The following GHR variants were observed in gnomAD, a reference collection of about 807,000 sequenced individuals.
GHR encodes GH receptor.
In GHR, 35 loss-of-function variants were observed where a neutral mutation model predicts 67.1. The observed-to-expected ratio is 0.52, with a 90% CI of 0.40 to 0.69. The LOEUF is 0.69. GHR is among the 30% of genes least tolerant of loss of function. The pLI is 0.00. For synonymous variants in GHR, 272 were observed against 269.1 expected, an observed-to-expected ratio of 1.01 and a Z score of -0.10; for missense variants, 792 against 764.6, an observed-to-expected ratio of 1.04 and a Z score of -0.42.
At chr5:42,666,333 A>G (rs1217543985) in intron 3 of GHR, among the ~76,000 whole-genome samples, 2 of 152,120 alleles carry the variant, frequency 1.3e-5, no homozygotes, top group African/African-American at 4.8e-5. Context: ...TCATTTTGAC[A>G]TGTAGTGAAG....
chr5:42,676,546 G>A (rs1373744460), intron 3 of GHR, among the ~76,000 whole-genome samples: 1 of 151,980 alleles, frequency 6.6e-6, no homozygotes, highest in Non-Finnish European at 1.5e-5. Context: ...TTTTTGGAAT[G>A]GAGTGTTTGC....
chr5:42,520,010 C>A (rs1747407266), intron 1 of GHR, among the ~76,000 whole-genome samples: 1 of 152,150 alleles, frequency 6.6e-6, no homozygotes, highest in Non-Finnish European at 1.5e-5. Context: ...GTGAATATTT[C>A]TTTGCTTTGA....
At chr5:42,443,413 C>A (rs890216274) in intron 1 of GHR, among the ~76,000 whole-genome samples, 3 of 152,058 alleles carry the variant, frequency 2.0e-5, no homozygotes, top group African/African-American at 7.2e-5. Context: ...GGCTTATAGG[C>A]ATAACTATTG....
intron 1 of GHR, chr5:42,465,779 A>C: frequency 1.2e-6 from 1 of 831,432 alleles, no homozygotes; most frequent in Non-Finnish European, 2.1e-6. Flanking sequence ...TCCTTGGCCC[A>C]TTTCACGTCC....
chr5:42,711,096 A>T, intron 6 of GHR, 111 bp from the exon 7 acceptor site: 1 of 808,930 alleles, frequency 1.2e-6, no homozygotes, highest in Non-Finnish European at 2.2e-6. Context: ...TTAAAATATT[A>T]CCTACTTTAT....
intron 3 of GHR, among the ~76,000 whole-genome samples, chr5:42,655,479 C>G (rs1755209594): frequency 6.6e-6 from 1 of 152,110 alleles, no homozygotes; most frequent in African/African-American, 2.4e-5. Flanking sequence ...GTGACATTGG[C>G]AGACTCTAAG....
In GHR at chr5:42,555,847, G is replaced by A. The variant is rs561386649; in HGVS notation, c.-11-10017G>A. ...TGGTAACGTCGGGACATGAATAGCC[G>A]TCAATGAAAGGCAGCTATTATTACA... On this transcript the variant is annotated intron_variant, in intron 1 of 9. Coordinates refer to ENST00000230882, the MANE Select transcript of GHR (RefSeq NM_000163.5). Among the ~76,000 whole-genome samples, 9 of 152,228 alleles carry A rather than the reference G, an allele frequency of 5.9e-5. No homozygotes were observed. In the South Asian group the frequency reaches 1.2e-3, roughly 21 times the overall value.
chr5:42,642,108 G>A (rs112664803), intron 3 of GHR, among the ~76,000 whole-genome samples: 2,171 of 152,264 alleles, frequency 0.014, 50 homozygotes, highest in African/African-American at 0.049. Context: ...TCAGGCCGAT[G>A]ATGGAAAGAT....
At chr5:42,676,199 C>T (rs992781655) in intron 3 of GHR, among the ~76,000 whole-genome samples, 23 of 152,170 alleles carry the variant, frequency 1.5e-4, no homozygotes, top group African/African-American at 4.6e-4. Context: ...GCAGGAGAAT[C>T]GCTTGAACCT....
At chr5:42,701,955 A>G (rs1312185043) in intron 6 of GHR, among the ~76,000 whole-genome samples, 4 of 152,070 alleles carry the variant, frequency 2.6e-5, no homozygotes, top group African/African-American at 9.7e-5. Context: ...ATTTTTTTGT[A>G]TATTTATTGT....
chr5:42,559,831 G>T (rs186902951), intron 1 of GHR, among the ~76,000 whole-genome samples: 1 of 152,186 alleles, frequency 6.6e-6, no homozygotes, highest in East Asian at 1.9e-4. Flanking sequence ...ATAAAAAGTT[G>T]GTAACAACAT....
intron 1 of GHR, among the ~76,000 whole-genome samples, chr5:42,452,411 T>C (rs555056334): frequency 1.3e-5 from 2 of 152,310 alleles, no homozygotes; most frequent in South Asian, 4.1e-4. Context: ...TTCCAGGAGT[T>C]CTTTGAGCTT....
chr5:42,436,581 A>C (rs1179875722), intron 1 of GHR, among the ~76,000 whole-genome samples: 2 of 152,224 alleles, frequency 1.3e-5, no homozygotes, highest in Non-Finnish European at 2.9e-5. Flanking sequence ...ATAATAAATA[A>C]ATTTTTGATA....
In GHR at chr5:42,424,491, C is replaced by A. The variant is rs141219916; in HGVS notation, c.-12+536C>A. 734 of 1,038,532 alleles carry A rather than the reference C, an allele frequency of 7.1e-4. 2 individuals are homozygous for A. In the African/African-American group the frequency reaches 0.011, roughly 15 times the overall value. 64.3% of individuals were successfully genotyped at this position (1,038,532 alleles called of 1,614,324 possible). On this transcript the variant is annotated intron_variant, in intron 1 of 9. Coordinates refer to ENST00000230882, the MANE Select transcript of GHR (RefSeq NM_000163.5). This position sits in a 1 kb window ranked among gnomAD's most constrained non-coding sequence, Gnocchi z 4.1. ...GGTCGAGCTGTGCGCGTGGACACAG[C>A]GCGCAGAGCGCGCGGTCTTTTGCGC...
Position 42,468,181 on chromosome 5 carries a change from G to A in GHR, c.-12+44226G>A, listed in dbSNP as rs962124445. 15 of 1,395,908 alleles carry A rather than the reference G, an allele frequency of 1.1e-5. No individual in the cohort carries two copies. The Admixed American group carries it at 2.5e-4, about 24-fold the overall frequency. The allele number at this position is 1,395,908 out of a possible 1,614,324, so 86.5% of individuals were successfully genotyped here. A position where few individuals can be genotyped will look rare whatever the true frequency, so the allele number is the denominator to read the frequency against. ...AAGGCCTGTCTGACGAAACTCCCCT[G>A]GGGCCCAGACTTTGATGTTCTCAGA... On this transcript the variant is annotated intron_variant, in intron 1 of 9. Transcript: ENST00000230882.
intron 1 of GHR, among the ~76,000 whole-genome samples, chr5:42,517,684 A>G (rs1246407361): frequency 6.6e-6 from 1 of 152,170 alleles, no homozygotes. Flanking sequence ...AGTTTAAAAT[A>G]AATTTCTAAA....
chr5:42,430,607 C>CAT (rs1554050623), intron 1 of GHR, among the ~76,000 whole-genome samples: 3 of 147,408 alleles, frequency 2.0e-5, no homozygotes, highest in Non-Finnish European at 4.5e-5. Flanking sequence ...ATGCTAGTCC[C>CAT]GTGTGTGTGT....
At chr5:42,705,958 A>T (rs746157320) in intron 6 of GHR, among the ~76,000 whole-genome samples, 1 of 152,164 alleles carries the variant, frequency 6.6e-6, no homozygotes, top group Non-Finnish European at 1.5e-5. Flanking sequence ...AAGTTCTTTG[A>T]GAAGTTGCTA....
At chr5:42,501,719 C>G (rs1163900055) in intron 1 of GHR, among the ~76,000 whole-genome samples, 2 of 152,162 alleles carry the variant, frequency 1.3e-5, no homozygotes, top group Admixed American at 1.3e-4. Context: ...AGAAAATCTT[C>G]CTGGTGAGAA....
Sources: allele counts gnomAD v4.1 joint callset (sites outside exome capture counted in the v4.1 genomes callset), GRCh38; gene constraint gnomAD v4.1.1; non-coding constraint Gnocchi (gnomAD v3.1); transcripts MANE v1.5; gene names NCBI Gene and HGNC (gene_info 2026-07-23, HGNC 2026-07-21).